MDM2: variants seen among roughly 807,000 people sequenced by gnomAD.
MDM2 encodes the protein MDM2 proto-oncogene.
A neutral mutation model predicts 64.3 loss-of-function variants in MDM2; 11 were observed. That is an observed-to-expected ratio of 0.17 (90% CI 0.11 to 0.28). The LOEUF (loss-of-function observed/expected upper bound fraction) is 0.28, where lower values mean the gene tolerates loss of function less well. Ranked by LOEUF, MDM2 falls within the 10% of genes least tolerant of loss-of-function variation. The pLI is 1.00. For missense variants in MDM2, 388 were observed against 577.1 expected (o/e 0.67, Z 3.36); for synonymous variants, 194 against 192.9 (o/e 1.01, Z -0.05).
At chr12:68,849,398 TTTTG>T (rs978117913), downstream of MDM2, 22 of 126,288 alleles carry the variant, frequency 1.7e-4, no homozygotes, top group South Asian at 7.4e-4. Context: ...CCGTTTTTTT[TTTTG>T]TTGTTGTTGT....
intron 1 of MDM2, 66 bp from the exon 2 acceptor site, chr12:68,809,142 T>C: frequency 6.3e-7 from 1 of 1,597,868 alleles, no homozygotes. Context: ...GTTCTTTATA[T>C]ATGATGTATT....
chr12:68,819,513 C>T (rs926389320), intron 4 of MDM2, among the ~76,000 whole-genome samples: 3 of 152,026 alleles, frequency 2.0e-5, no homozygotes, highest in East Asian at 1.9e-4. Context: ...TTCCCTGAGT[C>T]GGAGTTTTGC....
intron 8 of MDM2, among the ~76,000 whole-genome samples, chr12:68,835,621 C>T (rs989962837): frequency 2.6e-5 from 4 of 152,128 alleles, no homozygotes; most frequent in African/African-American, 7.2e-5. Flanking sequence ...AGGAAATGTG[C>T]GTGGCAACCG....
chr12:68,845,830 C>T (rs1884248620), downstream of MDM2: 1 of 152,406 alleles, frequency 6.6e-6, no homozygotes, highest in African/African-American at 2.4e-5. Context: ...GTGCTGCAAA[C>T]ATGACTCACT....
At chr12:68,835,201 C>T (rs183910976) in intron 8 of MDM2, among the ~76,000 whole-genome samples, 124 of 152,162 alleles carry the variant, frequency 8.1e-4, no homozygotes, top group African/African-American at 2.9e-3. Context: ...TTATGTTTTG[C>T]ATAATTTATG....
chr12:68,836,889 T>G (rs1040501188), intron 10 of MDM2, 140 bp downstream of exon 10: 2 of 591,648 alleles, frequency 3.4e-6, no homozygotes, highest in Non-Finnish European at 5.9e-6. Flanking sequence ...TTTAAAGCAT[T>G]TTTCTTTTAT....
At chr12:68,833,844 T>G (rs1445226898) in intron 8 of MDM2, among the ~76,000 whole-genome samples, 1 of 152,170 alleles carries the variant, frequency 6.6e-6, no homozygotes, top group Non-Finnish European at 1.5e-5. Context: ...ATTCTAAAAT[T>G]AGTGCACTAA....
rs1443345961 is a variant in MDM2, at chr12:68,843,240, A to G, written c.*3391A>G. ...TCTAGCTGAAGTATTATGAACTCCA[A>G]ATAATGCTTTGAGGACCTCCAAAGG... On this transcript the variant is annotated 3_prime_UTR_variant, in exon 11 of 11. Coordinates refer to ENST00000258149, the MANE Select transcript of MDM2 (RefSeq NM_002392.6). The G allele has an allele frequency of 4.4e-6, 1 of 225,838 alleles. No homozygotes were observed. Among genetic ancestry groups the G allele is most frequent in the East Asian group, 6.4e-5 (1 of 15,652 alleles). The allele number at this position is 225,838 out of a possible 1,614,324, so 14.0% of individuals were successfully genotyped here.
intron 4 of MDM2, among the ~76,000 whole-genome samples, chr12:68,818,243 A>G (rs1010489324): frequency 2.6e-5 from 4 of 152,178 alleles, no homozygotes; most frequent in Non-Finnish European, 4.4e-5. Flanking sequence ...GTATAGCTGA[A>G]AAGATGATAA....
At chr12:68,830,592 C>T (rs1307497970) in intron 8 of MDM2, among the ~76,000 whole-genome samples, 1 of 151,994 alleles carries the variant, frequency 6.6e-6, no homozygotes, top group African/African-American at 2.4e-5. Flanking sequence ...TTTAATAAAT[C>T]CAGTGGAAAA....
intron 3 of MDM2, among the ~76,000 whole-genome samples, chr12:68,814,315 A>T (rs1005741381): frequency 1.3e-5 from 2 of 152,230 alleles, no homozygotes; most frequent in African/African-American, 4.8e-5. Flanking sequence ...TGGCCTCCCA[A>T]AATGCTGGGA....
At chr12:68,839,176 G>T (rs986167296) in intron 10 of MDM2, 98 bp from the exon 11 acceptor site, 15 of 1,057,326 alleles carry the variant, frequency 1.4e-5, no homozygotes, top group Non-Finnish European at 1.9e-5. Context: ...TGAGCCCTAT[G>T]ATATACTTTA....
chr12:68,808,623 C>CG (rs1880575687), intron 1 of MDM2, 132 bp downstream of exon 1: 1 of 1,186,534 alleles, frequency 8.4e-7, no homozygotes, highest in African/African-American at 1.6e-5. Flanking sequence ...GCGCGGGGCG[C>CG]GGGGCATGGG....
chr12:68,819,605 C>T (rs1038914148), intron 4 of MDM2, among the ~76,000 whole-genome samples: 19 of 152,218 alleles, frequency 1.2e-4, no homozygotes, highest in African/African-American at 4.1e-4. Context: ...GATTATCCCG[C>T]CTCAGTCTCC....
At chr12:68,828,301 T>G (rs1235688532) in intron 7 of MDM2, 2 of 152,478 alleles carry the variant, frequency 1.3e-5, no homozygotes, top group Admixed American at 6.5e-5. Context: ...CTTTATTAGA[T>G]AGATTAAATT....
chr12:68,813,748 T>A, intron 3 of MDM2, 120 bp downstream of exon 3: 1 of 683,156 alleles, frequency 1.5e-6, no homozygotes, highest in Non-Finnish European at 2.5e-6. Flanking sequence ...CAGCAACATT[T>A]AATTTTGTGG....
At chr12:68,832,938 AAC>A (rs1882914792) in intron 8 of MDM2, among the ~76,000 whole-genome samples, 1 of 150,610 alleles carries the variant, frequency 6.6e-6, no homozygotes, top group Non-Finnish European at 1.5e-5. Context: ...CATCCTGGCT[AAC>A]ACGGCGAAAC....
At chr12:68,827,536 T>G (rs1882442204) in intron 7 of MDM2, among the ~76,000 whole-genome samples, 1 of 152,212 alleles carries the variant, frequency 6.6e-6, no homozygotes, top group African/African-American at 2.4e-5. Flanking sequence ...GGTATTTTAT[T>G]TTGTCATGTA....
rs1373304805 is a variant in MDM2, at chr12:68,830,463, T to C, written c.684+1532T>C. On this transcript the variant is annotated intron_variant, in intron 8 of 10. Transcript: ENST00000258149. Reference sequence around the variant, plus strand: ...AGAGCAGGTTCTTCATTTGTAGATATTTAAGTTTATACCAAATTCCATACA... The same window carrying C: ...AGAGCAGGTTCTTCATTTGTAGATACTTAAGTTTATACCAAATTCCATACA... Among the ~76,000 whole-genome samples the C allele has an allele frequency of 3.3e-5, 5 of 152,324 alleles. No individual in the cohort carries two copies. The East Asian group carries it at 5.8e-4, about 18-fold the overall frequency.
Sources: gnomAD v4.1 joint callset for allele counts (sites outside exome capture counted in the v4.1 genomes callset) on GRCh38, gnomAD v4.1.1 for gene constraint, MANE v1.5 for transcripts, NCBI Gene and HGNC (gene_info 2026-07-23, HGNC 2026-07-21) for gene names.